The following SMIM35 variants were observed in gnomAD, a reference collection of about 807,000 sequenced individuals.
SMIM35 encodes the protein TMPRSS4 antisense RNA 1 (non-protein coding).
At chr11:118,042,817 G>T (rs1375155114) in intron 1 of SMIM35, among the ~76,000 whole-genome samples, 1 of 152,170 alleles carries the variant, frequency 6.6e-6, no homozygotes, top group East Asian at 1.9e-4. Flanking sequence ...AACCAAGCTG[G>T]ATTTCTCCCT....
intron 1 of SMIM35, chr11:118,029,048 A>G: frequency 3.0e-6 from 1 of 332,034 alleles, no homozygotes; most frequent in Non-Finnish European, 6.0e-6. Flanking sequence ...AATGTCAGAC[A>G]AATAGAATGT....
intron 1 of SMIM35, among the ~76,000 whole-genome samples, chr11:118,057,458 A>G (rs1424873242): frequency 1.3e-5 from 2 of 152,104 alleles, no homozygotes; most frequent in Non-Finnish European, 2.9e-5. Context: ...GTGGGGAAAG[A>G]ACTGACCGTG....
intron 1 of SMIM35, among the ~76,000 whole-genome samples, chr11:118,057,700 GC>G (rs1268239724): frequency 6.6e-6 from 1 of 152,182 alleles, no homozygotes; most frequent in Non-Finnish European, 1.5e-5. Flanking sequence ...GAGGGGATTC[GC>G]CTCGGAGGCT....
chr11:118,012,862 C>G (rs537827699), intron 4 of SMIM35, among the ~76,000 whole-genome samples: 1 of 152,154 alleles, frequency 6.6e-6, no homozygotes, highest in East Asian at 1.9e-4. Flanking sequence ...CTTTCTGGCC[C>G]CTGGTCAACC....
intron 1 of SMIM35, among the ~76,000 whole-genome samples, chr11:118,083,062 C>T (rs550639057): frequency 2.9e-4 from 44 of 152,292 alleles, no homozygotes; most frequent in African/African-American, 8.9e-4. Flanking sequence ...TCCTCTGCTG[C>T]GCCGCTGCGG....
chr11:118,034,462 C>T (rs1217774060), intron 1 of SMIM35, among the ~76,000 whole-genome samples: 1 of 152,104 alleles, frequency 6.6e-6, no homozygotes, highest in Admixed American at 6.5e-5. Context: ...GTGGCTCATG[C>T]CTGTAATCCC....
intron 1 of SMIM35, among the ~76,000 whole-genome samples, chr11:118,051,960 T>A (rs1238031043): frequency 6.6e-6 from 1 of 152,168 alleles, no homozygotes; most frequent in Non-Finnish European, 1.5e-5. Context: ...GCCAGGTGTC[T>A]GAATCATGAA....
chr11:118,029,268 C>A (rs1298329171), intron 1 of SMIM35, among the ~76,000 whole-genome samples: 1 of 152,184 alleles, frequency 6.6e-6, no homozygotes, highest in Non-Finnish European at 1.5e-5. Flanking sequence ...TCAAGACCAG[C>A]CTGGCCAACG....
At chr11:118,048,779 C>T (rs1944153547) in intron 1 of SMIM35, among the ~76,000 whole-genome samples, 1 of 150,530 alleles carries the variant, frequency 6.6e-6, no homozygotes, top group Non-Finnish European at 1.5e-5. Context: ...TGAGTAATAG[C>T]CAAACAGCAG....
At chr11:118,008,999 C>T (rs1365634678) in intron 4 of SMIM35, among the ~76,000 whole-genome samples, 1 of 152,196 alleles carries the variant, frequency 6.6e-6, no homozygotes, top group African/African-American at 2.4e-5. Context: ...TATTTAAAAT[C>T]AGCAGAGCAC....
intron 1 of SMIM35, chr11:118,031,833 G>C (rs1265581882): frequency 6.6e-6 from 1 of 152,014 alleles, no homozygotes; most frequent in Non-Finnish European, 1.5e-5. Context: ...CCTGAGGGGA[G>C]GCGAGGAGAA....
chr11:118,067,783 G>C (rs1488778113), intron 1 of SMIM35, among the ~76,000 whole-genome samples: 1 of 145,230 alleles, frequency 6.9e-6, no homozygotes, highest in Non-Finnish European at 1.5e-5. Flanking sequence ...AGTGAGCCGA[G>C]ATCACGCCAT....
intron 1 of SMIM35, among the ~76,000 whole-genome samples, chr11:118,047,747 A>G (rs557445864): frequency 1.3e-5 from 2 of 152,170 alleles, no homozygotes; most frequent in Non-Finnish European, 2.9e-5. Context: ...AGCTATGGCC[A>G]CTCACCTTGG....
chr11:118,040,550 G>T (rs574104398), intron 1 of SMIM35, among the ~76,000 whole-genome samples: 28 of 152,246 alleles, frequency 1.8e-4, no homozygotes, highest in Non-Finnish European at 3.2e-4. Flanking sequence ...AACAAATGCT[G>T]ATGGAATTTG....
At chr11:118,019,121 A>G (rs559463299) in intron 1 of SMIM35, among the ~76,000 whole-genome samples, 68 of 152,232 alleles carry the variant, frequency 4.5e-4, no homozygotes, top group African/African-American at 1.6e-3. Context: ...CTATATATCT[A>G]TGTAGATATA....
intron 1 of SMIM35, among the ~76,000 whole-genome samples, 192 bp from the exon 2 acceptor site, chr11:118,016,001 C>G (rs1305331846): frequency 6.6e-6 from 1 of 152,210 alleles, no homozygotes; most frequent in Non-Finnish European, 1.5e-5. Flanking sequence ...TTAGAGTGAG[C>G]CTATCGGTAT....
At chr11:118,054,120 G>A (rs915015466) in intron 1 of SMIM35, among the ~76,000 whole-genome samples, 9 of 151,470 alleles carry the variant, frequency 5.9e-5, no homozygotes, top group Admixed American at 5.3e-4. Flanking sequence ...TAGAGAGTTC[G>A]AATTTGTTTT....
At chr11:118,010,433 T>C (rs1161428010) in intron 4 of SMIM35, among the ~76,000 whole-genome samples, 1 of 152,222 alleles carries the variant, frequency 6.6e-6, no homozygotes, top group Admixed American at 6.5e-5. Flanking sequence ...AAAGCAGCCT[T>C]CTGTGGCTAC....
At chr11:118,071,157 A>C (rs1944565536) in intron 1 of SMIM35, among the ~76,000 whole-genome samples, 2 of 152,124 alleles carry the variant, frequency 1.3e-5, no homozygotes, top group Non-Finnish European at 2.9e-5. Context: ...ATTCTGTCAG[A>C]CTCATGCCTG....
Sources: allele counts gnomAD v4.1 joint callset (sites outside exome capture counted in the v4.1 genomes callset), GRCh38; gene constraint gnomAD v4.1.1; transcripts MANE v1.5; gene names NCBI Gene and HGNC (gene_info 2026-07-23, HGNC 2026-07-21).